RAD51B: variants seen among roughly 807,000 people sequenced by gnomAD.
RAD51B encodes the protein RAD51 paralog B.
RAD51B carries 38 observed loss-of-function variants against 42.2 expected under a neutral mutation model. The observed-to-expected ratio is 0.90, with a 90% CI of 0.70 to 1.18. The LOEUF (loss-of-function observed/expected upper bound fraction) is 1.18. Among genes scored for constraint, RAD51B ranks in the 50% most tolerant of loss-of-function variants. The pLI is 0.00. For missense variants in RAD51B, 373 were observed against 400.7 expected, an observed-to-expected ratio of 0.93 and a Z score of 0.59; for synonymous variants, 154 against 145.2, an observed-to-expected ratio of 1.06 and a Z score of -0.43.
At chr14:68,090,696 T>TTA (rs1566636963) in intron 7 of RAD51B, among the ~76,000 whole-genome samples, 2 of 147,034 alleles carry the variant, frequency 1.4e-5, no homozygotes, top group African/African-American at 2.4e-5. Flanking sequence ...TATTTATTTA[T>TTA]TTATTATTAT....
intron 8 of RAD51B, among the ~76,000 whole-genome samples, chr14:68,326,629 C>T (rs1420391227): frequency 6.6e-6 from 1 of 152,194 alleles, no homozygotes; most frequent in Non-Finnish European, 1.5e-5. Flanking sequence ...GCTTGGCCCA[C>T]ACTCAACTCT....
At chr14:68,391,114 A>C (rs1179634260) in intron 8 of RAD51B, among the ~76,000 whole-genome samples, 1 of 150,222 alleles carries the variant, frequency 6.7e-6, no homozygotes, top group Admixed American at 6.6e-5. Flanking sequence ...GTGGGAGATA[A>C]ATTATTAAAT....
rs77706214 is a variant in RAD51B at position 68,608,469 on chromosome 14, C to T, written c.1037-2537C>T. ...TGAGCGTGGTGAGGAAGTCCCGGGG[C>T]TGTGAAAGAGGAAATGCTGGACTCT... On this transcript the variant is annotated intron_variant, in intron 10 of 10. Transcript: ENST00000487861. Among the ~76,000 whole-genome samples, 775 of 152,282 alleles carry T rather than the reference C, an allele frequency of 5.1e-3. 3 individuals are homozygous for T. The highest frequency in any genetic ancestry group is 0.017 in the African/African-American group (719 of 41,546).
chr14:68,137,489 ATTAATACCATCATTATCT>A (rs2078035142), intron 7 of RAD51B, among the ~76,000 whole-genome samples: 1 of 152,210 alleles, frequency 6.6e-6, no homozygotes, highest in Admixed American at 6.5e-5. Context: ...TTCCAATTCT[ATTAATACCATCATTATCT>A]TTAATAGTTG....
At chr14:68,275,794 CCA>C (rs10641411) in intron 7 of RAD51B, among the ~76,000 whole-genome samples, 16,300 of 141,100 alleles carry the variant, frequency 0.12, 916 homozygotes, top group Non-Finnish European at 0.14. Flanking sequence ...AACTAGCTCT[CCA>C]CACACACACA....
intron 7 of RAD51B, among the ~76,000 whole-genome samples, chr14:67,967,829 T>C (rs1339847149): frequency 6.6e-6 from 1 of 152,166 alleles, no homozygotes; most frequent in East Asian, 1.9e-4. Flanking sequence ...TGGAGGATGG[T>C]GGCCCTCTTC....
chr14:68,613,825 A>G (rs1403618819), downstream of RAD51B, among the ~76,000 whole-genome samples: 1 of 152,206 alleles, frequency 6.6e-6, no homozygotes, highest in Non-Finnish European at 1.5e-5. Context: ...CCATTTCTCC[A>G]TAACTTGCTC....
rs1238977654 is a variant in RAD51B at position 68,087,852 on chromosome 14, ATATATAATTATATAATATATTATT to A, written c.756+200696_756+200719del. ...AAATATTTAATTATATAATTATTAT[ATATATAATTATATAATATATTATT>A]TATATAATTATATAATATATTATTT... is the stretch of plus-strand genomic sequence containing the variant. On this transcript the variant is annotated intron_variant, in intron 7 of 10. Coordinates refer to ENST00000471583, the MANE Select transcript of RAD51B (RefSeq NM_133510.4). Among the ~76,000 whole-genome samples the A allele has an allele frequency of 9.2e-3, 1,096 of 119,356 alleles. 37 individuals carry two copies. Among genetic ancestry groups the A allele is most frequent in the African/African-American group, 0.03 (829 of 27,418 alleles). The allele number at this position is 119,356 out of a possible 152,430, so 78.3% of individuals were successfully genotyped here.
rs146636223 is a variant in RAD51B at position 68,011,573 on chromosome 14, G to A, written c.756+124369G>A. Reference sequence around the variant, plus strand: ...GAAGTGTTCACTGAGCAGCATCTTCGTAGCTTTGAGGAAACAGAAAAACAA... The same window carrying A: ...GAAGTGTTCACTGAGCAGCATCTTCATAGCTTTGAGGAAACAGAAAAACAA... On this transcript the variant is annotated intron_variant, in intron 7 of 10. Transcript: ENST00000471583. 1.5e-4 allele frequency among the ~76,000 whole-genome samples: 23 copies of A among 152,144 alleles called. No homozygotes were observed. The East Asian group carries it at 4.4e-3, about 29-fold the overall frequency.
intron 7 of RAD51B, among the ~76,000 whole-genome samples, chr14:68,227,841 T>G (rs2080070637): frequency 6.6e-6 from 1 of 152,206 alleles, no homozygotes; most frequent in South Asian, 2.1e-4. Flanking sequence ...ATAACGGCTT[T>G]GAAATACATG....
At chr14:68,292,100 G>A (rs544412764) in intron 8 of RAD51B, 120 bp downstream of exon 8, 24 of 863,094 alleles carry the variant, frequency 2.8e-5, no homozygotes, top group African/African-American at 1.5e-4. Context: ...GAACCCAGCC[G>A]GAGCCTGTTG....
intron 7 of RAD51B, among the ~76,000 whole-genome samples, chr14:68,114,582 G>A (rs1318020885): frequency 6.6e-6 from 1 of 151,968 alleles, no homozygotes; most frequent in Non-Finnish European, 1.5e-5. Context: ...TCTTAATCTT[G>A]TTACTCTCAT....
chr14:68,127,345 T>C (rs958112541), intron 7 of RAD51B, among the ~76,000 whole-genome samples: 3 of 152,200 alleles, frequency 2.0e-5, no homozygotes, highest in Non-Finnish European at 4.4e-5. Flanking sequence ...ATTCACATAC[T>C]GTTTCAACGA....
At chr14:68,282,966 G>A (rs1007091709) in intron 7 of RAD51B, among the ~76,000 whole-genome samples, 10 of 152,100 alleles carry the variant, frequency 6.6e-5, no homozygotes, top group Admixed American at 2.6e-4. Flanking sequence ...GAGGCTGAAG[G>A]GTATCAATGT....
At position 68,365,973 on chromosome 14, in the gene RAD51B, G is replaced by T. The variant is rs34275238; in HGVS notation, c.854-45451G>T. ...TTTAGGCAGGAAGGTGAGTTTTCCA[G>T]ATGTTTCTGTTGATTATTGCAAACA... On this transcript the variant is annotated intron_variant, in intron 8 of 10. Coordinates refer to ENST00000471583, the MANE Select transcript of RAD51B (RefSeq NM_133510.4). Among the ~76,000 whole-genome samples, 962 of 152,056 alleles carry T rather than the reference G, an allele frequency of 6.3e-3. 7 individuals carry two copies. The highest frequency in any genetic ancestry group is 0.021 in the African/African-American group (885 of 41,540).
At chr14:68,364,035 G>C (rs1414810998) in intron 8 of RAD51B, among the ~76,000 whole-genome samples, 1 of 152,240 alleles carries the variant, frequency 6.6e-6, no homozygotes, top group Non-Finnish European at 1.5e-5. Flanking sequence ...CCAGTGCGGG[G>C]AGTGTGTGGC....
At chr14:68,204,186 A>C (rs2079542458) in intron 7 of RAD51B, among the ~76,000 whole-genome samples, 1 of 152,148 alleles carries the variant, frequency 6.6e-6, no homozygotes, top group Non-Finnish European at 1.5e-5. Flanking sequence ...CTAACTTTTG[A>C]TTTAAAATGA....
At position 68,393,042 on chromosome 14, in the gene RAD51B, A is replaced by G. The variant is rs148834292; in HGVS notation, c.854-18382A>G. Reference sequence around the variant, plus strand: ...TTGTCTATTTCCCCTATTGGGAAGGAGAAGATAATTAACCTTTCCACCTAT... The same window carrying G: ...TTGTCTATTTCCCCTATTGGGAAGGGGAAGATAATTAACCTTTCCACCTAT... On this transcript the variant is annotated intron_variant, in intron 8 of 10. Transcript: ENST00000471583. 1.5e-4 allele frequency among the ~76,000 whole-genome samples: 23 copies of G among 152,338 alleles called. 1 individual carries two copies. The East Asian group carries it at 2.1e-3, about 14-fold the overall frequency.
Position 68,165,754 on chromosome 14 carries a change from T to C in RAD51B, c.757-126130T>C, listed in dbSNP as rs528466880. On this transcript the variant is annotated intron_variant, in intron 7 of 10. Coordinates refer to ENST00000471583, the MANE Select transcript of RAD51B (RefSeq NM_133510.4). ...TCCCTCATTAAACTTCCTTTTTTAG[T>C]AATGATTAAAAACAACTCTCTTTAC... Among the ~76,000 whole-genome samples the C allele has an allele frequency of 1.1e-3, 168 of 152,326 alleles. 1 individual carries two copies. Among genetic ancestry groups the C allele is most frequent in the Non-Finnish European group, 2.0e-3 (139 of 68,004 alleles).
Sources: gnomAD v4.1 joint callset for allele counts (sites outside exome capture counted in the v4.1 genomes callset) on GRCh38, gnomAD v4.1.1 for gene constraint, MANE v1.5 for transcripts, NCBI Gene and HGNC (gene_info 2026-07-23, HGNC 2026-07-21) for gene names.